Variants in CAMSAP2 observed in about 807,000 individuals in gnomAD.
CAMSAP2 encodes calmodulin-regulated spectrin-associated protein 2.
A neutral mutation model predicts 146.1 loss-of-function variants in CAMSAP2; 26 were observed. The observed-to-expected ratio is 0.18, with a 90% CI of 0.13 to 0.25. CAMSAP2 has a LOEUF of 0.25. Among genes scored for constraint, CAMSAP2 ranks in the 10% least tolerant of loss-of-function variants. CAMSAP2 has a pLI of 1.00. For synonymous variants in CAMSAP2, 499 were observed against 596.6 expected (o/e 0.84, Z 2.38); for missense variants, 1,381 against 1,759.3 (o/e 0.78, Z 3.85).
intron 2 of CAMSAP2, among the ~76,000 whole-genome samples, chr1:200,798,445 C>G (rs1434676504): frequency 7.5e-6 from 1 of 133,290 alleles, no homozygotes; most frequent in Non-Finnish European, 1.6e-5. Flanking sequence ...AATGGGAGTT[C>G]ACTCATGATT....
At chr1:200,772,378 A>G (rs930889175) in intron 2 of CAMSAP2, among the ~76,000 whole-genome samples, 5 of 152,084 alleles carry the variant, frequency 3.3e-5, no homozygotes, top group African/African-American at 7.2e-5. Context: ...GGAGGCTGAG[A>G]TGGGTGGATC....
chr1:200,855,499 T>G (rs1667726135), intron 14 of CAMSAP2, among the ~76,000 whole-genome samples: 1 of 152,228 alleles, frequency 6.6e-6, no homozygotes, highest in Non-Finnish European at 1.5e-5. Context: ...TTGAAAAACA[T>G]TCACTCTTTC....
intron 2 of CAMSAP2, among the ~76,000 whole-genome samples, chr1:200,794,678 G>A (rs561395675): frequency 2.0e-5 from 3 of 152,348 alleles, no homozygotes; most frequent in Non-Finnish European, 2.9e-5. Flanking sequence ...GGGTCAAGTT[G>A]TATTGCCTCC....
chr1:200,805,698 A>G (rs1220429919), intron 2 of CAMSAP2, among the ~76,000 whole-genome samples: 1 of 152,252 alleles, frequency 6.6e-6, no homozygotes, highest in Non-Finnish European at 1.5e-5. Flanking sequence ...TCAGAGTAAC[A>G]TTCAAACCAA....
intron 4 of CAMSAP2, among the ~76,000 whole-genome samples, chr1:200,819,388 C>T (rs2102186407): frequency 6.6e-6 from 1 of 152,250 alleles, no homozygotes; most frequent in Middle Eastern, 3.4e-3. Flanking sequence ...TTATAAGTTG[C>T]ACAGGTGTCT....
intron 12 of CAMSAP2, among the ~76,000 whole-genome samples, chr1:200,852,933 G>A (rs952663563): frequency 6.6e-6 from 1 of 151,758 alleles, no homozygotes; most frequent in Admixed American, 6.6e-5. Flanking sequence ...TCATGGGAAA[G>A]TTCTCTAGAA....
intron 2 of CAMSAP2, among the ~76,000 whole-genome samples, chr1:200,766,176 C>T (rs541894525): frequency 6.7e-6 from 1 of 148,758 alleles, no homozygotes; most frequent in African/African-American, 2.5e-5. Flanking sequence ...CAGGATCTCA[C>T]TCTGTTGCCC....
In CAMSAP2 at chr1:200,848,867, A is replaced by G; in HGVS notation, c.2098A>G (p.Thr700Ala). ...AEQKFRKLNH[T>A]DGKSSGSSSQ... is the part of the protein sequence containing the mutation. Reference sequence around the variant, plus strand: ...ACAAAAATTCAGGAAACTGAATCATACCGATGGAAAAAGTAGTGGAAGCAG... The same window carrying G: ...ACAAAAATTCAGGAAACTGAATCATGCCGATGGAAAAAGTAGTGGAAGCAG... The change falls in exon 11 of 17, where the codon ACC becomes GCC. Residue 700 changes from threonine (T) to alanine (A), a missense_variant. Coordinates refer to ENST00000358823, the MANE Select transcript of CAMSAP2 (RefSeq NM_203459.4). 6.2e-7 allele frequency: 1 copy of G among 1,614,186 alleles called. No homozygotes were observed. The highest frequency in any genetic ancestry group is 1.1e-5 in the South Asian group (1 of 91,086).
chr1:200,741,783 A>G (rs1664183000), intron 1 of CAMSAP2, among the ~76,000 whole-genome samples: 1 of 152,218 alleles, frequency 6.6e-6, no homozygotes, highest in South Asian at 2.1e-4. Context: ...ATCTAGTATC[A>G]GTGGAATCTG....
At chr1:200,796,892 A>G (rs974423841) in intron 2 of CAMSAP2, among the ~76,000 whole-genome samples, 12 of 151,706 alleles carry the variant, frequency 7.9e-5, no homozygotes, top group Admixed American at 2.6e-4. Flanking sequence ...TCATTGTTCA[A>G]TTCCCACCTA....
At chr1:200,841,380 A>G (rs938473386) in intron 6 of CAMSAP2, among the ~76,000 whole-genome samples, 8 of 152,094 alleles carry the variant, frequency 5.3e-5, no homozygotes, top group Non-Finnish European at 7.4e-5. Flanking sequence ...TCAAGTAGCT[A>G]GGATTACAGG....
chr1:200,773,643 G>C (rs1323138195), intron 2 of CAMSAP2, among the ~76,000 whole-genome samples: 1 of 152,130 alleles, frequency 6.6e-6, no homozygotes, highest in Non-Finnish European at 1.5e-5. Flanking sequence ...GTTAGCGTCA[G>C]TGTCTGGGAC....
chr1:200,792,028 C>A (rs1665768684), intron 2 of CAMSAP2, among the ~76,000 whole-genome samples: 1 of 151,904 alleles, frequency 6.6e-6, no homozygotes, highest in Non-Finnish European at 1.5e-5. Flanking sequence ...GACCTGAGTT[C>A]TTCTTTTTAA....
Position 200,848,136 on chromosome 1 carries a change from G to T in CAMSAP2, c.1367G>T (p.Gly456Val), listed in dbSNP as rs767359815. Residue 456 changes from glycine to valine, a missense_variant, in exon 11 of 17, where the codon GGA (glycine) becomes GTA (valine). This residue lies in a region of CAMSAP2 where 447 missense variants were observed against 462.2 expected (regional missense o/e 0.97). Transcript: ENST00000358823. ...RGITRSISNE[G>V]LTLNNSHVSK... ...ATCACTCGTTCTATTAGTAATGAAGGACTTACTCTGAACAACAGTCATGTA... is the reference window on the plus strand; with the variant it reads ...ATCACTCGTTCTATTAGTAATGAAGTACTTACTCTGAACAACAGTCATGTA... 6.2e-7 allele frequency: 1 copy of T among 1,613,140 alleles called. No individual in the cohort carries two copies. Among genetic ancestry groups the T allele is most frequent in the Non-Finnish European group, 8.5e-7 (1 of 1,179,506 alleles).
At chr1:200,764,843 C>A (rs554907942) in intron 2 of CAMSAP2, among the ~76,000 whole-genome samples, 123 of 152,284 alleles carry the variant, frequency 8.1e-4, no homozygotes, top group Non-Finnish European at 1.2e-3. Context: ...GTGGCACATA[C>A]CTGTAATCCC....
intron 1 of CAMSAP2, among the ~76,000 whole-genome samples, chr1:200,755,693 G>A (rs1259078446): frequency 6.6e-6 from 1 of 152,188 alleles, no homozygotes; most frequent in Non-Finnish European, 1.5e-5. Context: ...TACAGTCTTG[G>A]TAAATATTTG....
chr1:200,789,304 T>C (rs890877520), intron 2 of CAMSAP2, among the ~76,000 whole-genome samples: 1 of 152,206 alleles, frequency 6.6e-6, no homozygotes, highest in Non-Finnish European at 1.5e-5. Flanking sequence ...AGAAGTTTTA[T>C]AGTTTTGTTG....
At chr1:200,817,289 G>A (rs1666628364) in intron 4 of CAMSAP2, among the ~76,000 whole-genome samples, 1 of 125,656 alleles carries the variant, frequency 8.0e-6, no homozygotes, top group Non-Finnish European at 1.8e-5. Flanking sequence ...TATTTTCCCA[G>A]AATTCCAAAA....
chr1:200,788,852 A>G (rs1028678266), intron 2 of CAMSAP2, among the ~76,000 whole-genome samples: 1 of 149,998 alleles, frequency 6.7e-6, no homozygotes, highest in Non-Finnish European at 1.5e-5. Flanking sequence ...GAGTTTCACT[A>G]TGCTGGCCAG....
Sources: gnomAD v4.1 joint callset for allele counts (sites outside exome capture counted in the v4.1 genomes callset) on GRCh38, gnomAD v4.1.1 for gene constraint, gnomAD v4.1.1 regional missense constraint, MANE v1.5 for transcripts, NCBI Gene and HGNC (gene_info 2026-07-23, HGNC 2026-07-21) for gene names.